Variants in TENM2 observed in about 807,000 individuals in gnomAD.
TENM2 encodes teneurin-2.
Under a neutral mutation model 245.2 loss-of-function variants are expected in TENM2, and 52 were observed. The observed-to-expected ratio is 0.21, with a 90% CI of 0.17 to 0.27. The LOEUF (loss-of-function observed/expected upper bound fraction) is 0.27. Ranked by LOEUF, TENM2 falls within the 10% of genes least tolerant of loss-of-function variation. The pLI is 1.00. For missense variants in TENM2, 3,046 were observed against 3,666.8 expected, an observed-to-expected ratio of 0.83 and a Z score of 4.37; for synonymous variants, 1,363 against 1,438.9, an observed-to-expected ratio of 0.95 and a Z score of 1.19.
chr5:167,016,158 A>G, the TENM2 span, among the ~76,000 whole-genome samples: 8 of 151,792 alleles, frequency 5.3e-5, no homozygotes, highest in East Asian at 3.9e-4. Context: ...GGAGGCTGAC[A>G]CAGGAGAATA....
intron 3 of TENM2, among the ~76,000 whole-genome samples, chr5:167,939,971 G>A (rs1448436825): frequency 6.6e-6 from 1 of 152,122 alleles, no homozygotes; most frequent in African/African-American, 2.4e-5. Flanking sequence ...TTCCCGCTTG[G>A]GGTGTGTGGG....
At chr5:167,640,882 T>TCC (rs553375416) in intron 2 of TENM2, among the ~76,000 whole-genome samples, 12 of 67,526 alleles carry the variant, frequency 1.8e-4, no homozygotes, top group African/African-American at 1.1e-3. Context: ...TATATATATA[T>TCC]ATATATATAT....
At chr5:167,483,307 C>T (rs1767870411) in intron 2 of TENM2, among the ~76,000 whole-genome samples, 1 of 152,152 alleles carries the variant, frequency 6.6e-6, no homozygotes, top group African/African-American at 2.4e-5. Context: ...ACTTCCCTCA[C>T]CTTACTGTGG....
chr5:167,961,274 A>G (rs1780993724), intron 4 of TENM2, among the ~76,000 whole-genome samples: 1 of 152,252 alleles, frequency 6.6e-6, no homozygotes, highest in African/African-American at 2.4e-5. Context: ...CTGCCCTGAT[A>G]TGGTAAACCA....
intron 2 of TENM2, among the ~76,000 whole-genome samples, chr5:167,562,830 G>A (rs1033831734): frequency 1.1e-4 from 16 of 151,850 alleles, no homozygotes; most frequent in African/African-American, 2.4e-4. Flanking sequence ...GTTGGCAGGC[G>A]CCTGTAGTCC....
At chr5:167,335,241 G>A (rs887869651) in intron 1 of TENM2, among the ~76,000 whole-genome samples, 6 of 152,062 alleles carry the variant, frequency 3.9e-5, no homozygotes, top group African/African-American at 1.4e-4. Context: ...GAAGAGAGGT[G>A]CCACACATTT....
At chr5:168,263,144 CA>C (rs1768360407), downstream of TENM2, 1 of 223,632 alleles carries the variant, frequency 4.5e-6, no homozygotes, top group African/African-American at 2.3e-5. Flanking sequence ...CCAAAAGGAA[CA>C]AAAGAACAAA....
At chr5:168,228,870 T>TATATA (rs1166898676) in intron 25 of TENM2, among the ~76,000 whole-genome samples, 2 of 148,128 alleles carry the variant, frequency 1.4e-5, no homozygotes, top group Non-Finnish European at 3.0e-5. Context: ...TTATTATAAT[T>TATATA]ATTATATAAT....
At chr5:167,369,769 A>G (rs1760292740) in intron 1 of TENM2, among the ~76,000 whole-genome samples, 1 of 152,198 alleles carries the variant, frequency 6.6e-6, no homozygotes, top group African/African-American at 2.4e-5. Context: ...TGTATTGCAT[A>G]CAGTTAGCTT....
At chr5:167,431,087 A>G (rs1561949319) in intron 2 of TENM2, among the ~76,000 whole-genome samples, 1 of 152,214 alleles carries the variant, frequency 6.6e-6, no homozygotes, top group Non-Finnish European at 1.5e-5. Context: ...AAACCTTTGA[A>G]TATAGAACAA....
intron 2 of TENM2, among the ~76,000 whole-genome samples, chr5:167,694,857 A>T (rs1348312517): frequency 6.6e-6 from 1 of 152,198 alleles, no homozygotes; most frequent in Non-Finnish European, 1.5e-5. Flanking sequence ...AAAAATTGTC[A>T]TCACAAGTAG....
chr5:167,462,744 T>C (rs1766397577), intron 2 of TENM2, among the ~76,000 whole-genome samples: 1 of 151,542 alleles, frequency 6.6e-6, no homozygotes, highest in Non-Finnish European at 1.5e-5. Context: ...GAGCCTTGGG[T>C]TTGGGGTTTA....
At chr5:168,167,447 T>G (rs567665355) in intron 13 of TENM2, among the ~76,000 whole-genome samples, 1 of 152,080 alleles carries the variant, frequency 6.6e-6, no homozygotes, top group East Asian at 1.9e-4. Context: ...TCGGAGTGAG[T>G]CTGAAGCTCC....
chr5:168,209,627 G>A (rs978249683), intron 19 of TENM2, among the ~76,000 whole-genome samples: 4 of 152,120 alleles, frequency 2.6e-5, no homozygotes, highest in Non-Finnish European at 5.9e-5. Flanking sequence ...GAGAGAGTTG[G>A]AATGAAAAAA....
At chr5:168,179,646 C>A (rs759476629) in intron 13 of TENM2, among the ~76,000 whole-genome samples, 6 of 152,206 alleles carry the variant, frequency 3.9e-5, no homozygotes, top group South Asian at 2.1e-4. Flanking sequence ...AGTCACACAA[C>A]CTTACATGGC....
the TENM2 span, among the ~76,000 whole-genome samples, chr5:167,252,316 A>G: frequency 1.3e-5 from 2 of 152,168 alleles, no homozygotes; most frequent in African/African-American, 2.4e-5. Flanking sequence ...GTATAGTTCA[A>G]TAAGTATGAT....
chr5:167,858,940 G>A (rs1289291488), intron 2 of TENM2, among the ~76,000 whole-genome samples: 4 of 139,020 alleles, frequency 2.9e-5, no homozygotes, highest in African/African-American at 1.1e-4. Context: ...ACCCCGTCTG[G>A]GAAGTGAGGA....
chr5:167,038,049 A>C, the TENM2 span, among the ~76,000 whole-genome samples: 1 of 152,244 alleles, frequency 6.6e-6, no homozygotes, highest in African/African-American at 2.4e-5. Context: ...GGAAGGCAGA[A>C]CAGGTACAGG....
At chr5:167,001,148 T>C in the TENM2 span, among the ~76,000 whole-genome samples, 125 of 152,276 alleles carry the variant, frequency 8.2e-4, no homozygotes, top group African/African-American at 2.9e-3. Flanking sequence ...CTGAAAACCC[T>C]CCTGACTTGA....
Sources: allele counts gnomAD v4.1 joint callset (sites outside exome capture counted in the v4.1 genomes callset), GRCh38; gene constraint gnomAD v4.1.1; transcripts MANE v1.5; gene names NCBI Gene and HGNC (gene_info 2026-07-23, HGNC 2026-07-21).